ZDHHC21: variants seen among roughly 807,000 people sequenced by gnomAD.
ZDHHC21 encodes palmitoyltransferase ZDHHC21.
A neutral mutation model predicts 34.6 loss-of-function variants in ZDHHC21; 15 were observed. The observed-to-expected ratio is 0.43, with a 90% CI of 0.29 to 0.67. ZDHHC21 has a LOEUF of 0.67. Ranked by LOEUF, ZDHHC21 falls within the 30% of genes least tolerant of loss-of-function variation. The probability of loss-of-function intolerance (pLI) is 0.14; values close to 1 mark genes in which losing one functional copy is unlikely to be tolerated. For missense variants in ZDHHC21, 344 were observed against 327.7 expected (o/e 1.05, Z -0.38); for synonymous variants, 142 against 101.8 (o/e 1.40, Z -2.38).
chr9:14,669,821 A>G (rs1199708705), intron 5 of ZDHHC21, among the ~76,000 whole-genome samples: 3 of 135,212 alleles, frequency 2.2e-5, no homozygotes, highest in African/African-American at 8.3e-5. Flanking sequence ...ACATGGACAC[A>G]GGAAGGGGAA....
intron 6 of ZDHHC21, among the ~76,000 whole-genome samples, chr9:14,661,244 T>A (rs1833339190): frequency 6.6e-6 from 1 of 151,980 alleles, no homozygotes; most frequent in African/African-American, 2.4e-5. Flanking sequence ...AAAAACAAAT[T>A]TCCACCAGAA....
intron 8 of ZDHHC21, among the ~76,000 whole-genome samples, chr9:14,620,358 T>A (rs988986005): frequency 3.9e-5 from 6 of 152,028 alleles, no homozygotes; most frequent in African/African-American, 1.4e-4. Context: ...AGAAGACTTA[T>A]CATTAGACTG....
rs139908660 is a variant in ZDHHC21, at chr9:14,639,950, A to G, written c.567T>C (p.Thr189=). 2 of 1,609,784 alleles carry G rather than the reference A, an allele frequency of 1.2e-6. No homozygotes were observed. Among genetic ancestry groups the G allele is most frequent in the Non-Finnish European group, 8.5e-7 (1 of 1,177,498 alleles). Residue 189 remains threonine, a synonymous_variant, in exon 8 of 10, where the codon ACT becomes ACC. Transcript: ENST00000380916. Reference sequence around the variant, plus strand: ...AGAGTCCAGTTATTCCAACTAACATAGTAATGCCCATAAAGGCTGCTAGTC... The same window carrying G: ...AGAGTCCAGTTATTCCAACTAACATGGTAATGCCCATAAAGGCTGCTAGTC... The part of the protein sequence containing the change: ...IMRLAAFMGI[T]MLVGITGLFY...
At chr9:14,632,460 T>C (rs116547022) in intron 8 of ZDHHC21, among the ~76,000 whole-genome samples, 2,159 of 151,904 alleles carry the variant, frequency 0.014, 60 homozygotes, top group African/African-American at 0.049. Flanking sequence ...AAATGAATCA[T>C]AGTACTAAAT....
chr9:14,667,498 T>G (rs1231913668), intron 5 of ZDHHC21, among the ~76,000 whole-genome samples: 2 of 146,376 alleles, frequency 1.4e-5, no homozygotes, highest in Admixed American at 6.8e-5. Context: ...TAACTCATTT[T>G]ATGAGGCCAG....
chr9:14,676,232 T>C (rs1836350578), intron 3 of ZDHHC21, among the ~76,000 whole-genome samples: 2 of 152,002 alleles, frequency 1.3e-5, no homozygotes. Context: ...CGAACCAGTG[T>C]GTTTTTCTGG....
intron 6 of ZDHHC21, among the ~76,000 whole-genome samples, chr9:14,660,752 T>C (rs568128555): frequency 3.3e-5 from 5 of 152,242 alleles, no homozygotes; most frequent in East Asian, 1.9e-4. Flanking sequence ...TAAGGTTAAA[T>C]AGCACCTTAT....
At position 14,693,224 on chromosome 9, in the gene ZDHHC21, C is replaced by G. The variant is rs1382783176; in HGVS notation, c.-225+5G>C. ...GCCGCTTCGCCCCCGCGCCTGCACA[C>G]TCACCGTCGCCGCTGGCTCGCCTCT... On this transcript the variant is annotated splice_donor_5th_base_variant and intron_variant, in intron 1 of 9. Transcript: ENST00000380916. 5.0e-6 allele frequency: 2 copies of G among 397,892 alleles called. No individual in the cohort carries two copies. Among genetic ancestry groups the G allele is most frequent in the African/African-American group, 2.2e-5 (1 of 45,252 alleles). 24.6% of individuals were successfully genotyped at this position (397,892 alleles called of 1,614,324 possible). A position where few individuals can be genotyped will look rare whatever the true frequency, so the allele number is the denominator to read the frequency against.
intron 4 of ZDHHC21, 101 bp from the exon 5 acceptor site, chr9:14,673,029 T>A: frequency 1.5e-6 from 1 of 679,382 alleles, no homozygotes; most frequent in East Asian, 2.9e-5. Context: ...ACAAACACCA[T>A]CAGGAGAAAA....
chr9:14,614,364 G>T lies in ZDHHC21; in HGVS notation c.*4602C>A, dbSNP rs1231219698. ...AGCAGGCAGTATTGTAACATCTGAA[G>T]AACTGACAAAGATATAGTGAGTTTT... On this transcript the variant is annotated 3_prime_UTR_variant, in exon 10 of 10. Transcript: ENST00000380916. The T allele has an allele frequency of 6.6e-6, 1 of 151,694 alleles. No individual in the cohort carries two copies. The highest frequency in any genetic ancestry group is 1.5e-5 in the Non-Finnish European group (1 of 67,722). The allele number at this position is 151,694 out of a possible 1,614,324, so 9.4% of individuals were successfully genotyped here. A position where few individuals can be genotyped will look rare whatever the true frequency, so the allele number is the denominator to read the frequency against.
chr9:14,642,552 A>C (rs181866850), intron 7 of ZDHHC21, among the ~76,000 whole-genome samples: 87 of 152,330 alleles, frequency 5.7e-4, no homozygotes, highest in African/African-American at 2.1e-3. Context: ...TGACTAAAAT[A>C]AAATGAGGCC....
rs191776964 is a variant in ZDHHC21, at chr9:14,617,604, T to A, written c.*1362A>T. ...GAAAGACTGTGAGTACATAAATTTT[T>A]TAAAAAGATATATGGGTTTTGCAGT... is the stretch of plus-strand genomic sequence containing the variant. On this transcript the variant is annotated 3_prime_UTR_variant, in exon 10 of 10. Coordinates refer to ENST00000380916, the MANE Select transcript of ZDHHC21 (RefSeq NM_178566.6). 3.9e-4 allele frequency: 59 copies of A among 152,142 alleles called. No homozygotes were observed. The highest frequency in any genetic ancestry group is 1.4e-3 in the African/African-American group (57 of 41,560). The allele number at this position is 152,142 out of a possible 1,614,324, so 9.4% of individuals were successfully genotyped here. A position where few individuals can be genotyped will look rare whatever the true frequency, so the allele number is the denominator to read the frequency against.
intron 3 of ZDHHC21, among the ~76,000 whole-genome samples, chr9:14,679,649 G>A (rs1311828423): frequency 6.6e-6 from 1 of 152,012 alleles, no homozygotes; most frequent in African/African-American, 2.4e-5. Context: ...TAAAAATAAA[G>A]ATAACCTAAG....
At chr9:14,645,484 A>G (rs1830133842) in intron 7 of ZDHHC21, among the ~76,000 whole-genome samples, 1 of 152,162 alleles carries the variant, frequency 6.6e-6, no homozygotes, top group African/African-American at 2.4e-5. Flanking sequence ...AGACAGAAAA[A>G]TATAGTACCT....
chr9:14,693,154 CCGGGGATGGGGGTGGGGGT>C (rs966843858), intron 1 of ZDHHC21, 56 bp downstream of exon 1: 163 of 214,698 alleles, frequency 7.6e-4, no homozygotes, highest in African/African-American at 4.2e-3. Flanking sequence ...GGAGCGGGGG[CCGGGGATGGGGGTGGGGGT>C]GCGGATGGGG....
At chr9:14,682,345 G>A (rs1187267900) in intron 2 of ZDHHC21, among the ~76,000 whole-genome samples, 3 of 152,086 alleles carry the variant, frequency 2.0e-5, no homozygotes, top group Non-Finnish European at 4.4e-5. Context: ...GATGGAGGAA[G>A]ATCTACCAAG....
In ZDHHC21 at chr9:14,615,678, A is replaced by C. The variant is rs1564177360; in HGVS notation, c.*3288T>G. 6.6e-6 allele frequency: 1 copy of C among 151,632 alleles called. No homozygotes were observed. The highest frequency in any genetic ancestry group is 1.5e-5 in the Non-Finnish European group (1 of 67,726). 9.4% of individuals were successfully genotyped at this position (151,632 alleles called of 1,614,324 possible). ...TGAACTCAGTCCATTTTTGCCTACA[A>C]TCTTAAGCCTACATGAAGCCCATAA... is the stretch of plus-strand genomic sequence containing the variant. On this transcript the variant is annotated 3_prime_UTR_variant, in exon 10 of 10. Coordinates refer to ENST00000380916, the MANE Select transcript of ZDHHC21 (RefSeq NM_178566.6).
intron 5 of ZDHHC21, among the ~76,000 whole-genome samples, chr9:14,663,767 T>G (rs1779649195): frequency 1.3e-5 from 2 of 152,218 alleles, no homozygotes; most frequent in South Asian, 4.1e-4. Flanking sequence ...AATCTTATTT[T>G]AAAAGAAAAT....
the ZDHHC21 span, among the ~76,000 whole-genome samples, chr9:14,605,564 G>A: frequency 8.4e-6 from 1 of 118,986 alleles, no homozygotes; most frequent in Non-Finnish European, 2.0e-5. Flanking sequence ...TTAAGTTGTA[G>A]GAGCTCGTTT....
Sources: allele counts gnomAD v4.1 joint callset (sites outside exome capture counted in the v4.1 genomes callset), GRCh38; gene constraint gnomAD v4.1.1; transcripts MANE v1.5; gene names NCBI Gene and HGNC (gene_info 2026-07-23, HGNC 2026-07-21).